ITGA4: variants seen among roughly 807,000 people sequenced by gnomAD.
ITGA4 encodes integrin subunit alpha 4, also known as integrin alpha-4.
Under a neutral mutation model 133.6 loss-of-function variants are expected in ITGA4, and 63 were observed. The observed-to-expected ratio is 0.47, with a 90% CI of 0.38 to 0.58. The LOEUF is 0.58. ITGA4 is among the 20% of genes least tolerant of loss of function. The pLI is 0.00. For missense variants in ITGA4, 1,076 were observed against 1,252.7 expected (o/e 0.86, Z 2.13); for synonymous variants, 483 against 438.0 (o/e 1.10, Z -1.28).
Position 181,523,911 on chromosome 2 carries a change from A to G in ITGA4, c.2170-260A>G, listed in dbSNP as rs1686780002. On this transcript the variant is annotated intron_variant, in intron 19 of 27. Coordinates refer to ENST00000397033, the MANE Select transcript of ITGA4 (RefSeq NM_000885.6). This position sits in a 1 kb window ranked among gnomAD's most constrained non-coding sequence, Gnocchi z 4.2. ...CCACTCAAGTTGTGAAAGCATTTCT[A>G]ATTTTGTCTAGACTTGCCTGCGTTC... is the stretch of plus-strand genomic sequence containing the variant. Among the ~76,000 whole-genome samples the G allele has an allele frequency of 6.6e-6, 1 of 152,060 alleles. No individual in the cohort carries two copies. Among genetic ancestry groups the G allele is most frequent in the African/African-American group, 2.4e-5 (1 of 41,402 alleles).
intron 15 of ITGA4, among the ~76,000 whole-genome samples, chr2:181,509,285 G>A (rs910587293): frequency 6.6e-6 from 1 of 151,638 alleles, no homozygotes; most frequent in South Asian, 2.1e-4. Context: ...AAAGTTAAAT[G>A]GGATAAAAAG....
intron 15 of ITGA4, among the ~76,000 whole-genome samples, chr2:181,506,017 G>C (rs1686385104): frequency 6.6e-6 from 1 of 152,014 alleles, no homozygotes; most frequent in African/African-American, 2.4e-5. Flanking sequence ...TACGGTCAAA[G>C]TTTCATGTTG....
At chr2:181,512,006 C>A (rs1686516159) in intron 17 of ITGA4, among the ~76,000 whole-genome samples, 1 of 152,016 alleles carries the variant, frequency 6.6e-6, no homozygotes, top group Non-Finnish European at 1.5e-5. Context: ...CTATCTTGCT[C>A]TTCTAAATTC....
Position 181,509,656 on chromosome 2 carries a change from A to C in ITGA4, c.1696-2A>C. 1 of 1,570,738 alleles carries C rather than the reference A, an allele frequency of 6.4e-7. No individual in the cohort carries two copies. The highest frequency in any genetic ancestry group is 8.6e-7 in the Non-Finnish European group (1 of 1,164,682). On this transcript the variant is annotated splice_acceptor_variant, in intron 15 of 27. Transcript: ENST00000397033. LOFTEE classifies it high-confidence loss of function. ...AATTCATATGGTGGTTATTTTCCTT[A>C]GAAAGATGTGCGGGACATCCTCACC...
At position 181,495,640 on chromosome 2, in the gene ITGA4, G is replaced by T. The variant is rs539904664; in HGVS notation, c.1386-143G>T. On this transcript the variant is annotated intron_variant, in intron 13 of 27. Transcript: ENST00000397033. This position sits in a 1 kb window ranked among gnomAD's most constrained non-coding sequence, Gnocchi z 4.3. ...TAAATAAAAAGTTATTTTGCCCTGT[G>T]CACAGAAATGTAATTAGTATGTACA... The T allele has an allele frequency of 1.2e-5, 9 of 731,958 alleles. No homozygotes were observed. The East Asian group carries it at 1.6e-4, about 13-fold the overall frequency. The allele number at this position is 731,958 out of a possible 1,614,324, so 45.3% of individuals were successfully genotyped here.
At position 181,482,386 on chromosome 2, in the gene ITGA4, A is replaced by C. The variant is rs747033412; in HGVS notation, c.867A>C (p.Lys289Asn). 6.2e-7 allele frequency: 1 copy of C among 1,612,584 alleles called. No homozygotes were observed. The highest frequency in any genetic ancestry group is 1.1e-5 in the South Asian group (1 of 90,884). The change falls in exon 8 of 28, where the codon AAA becomes AAC. Residue 289 changes from lysine (K) to asparagine (N), a missense_variant. Around this residue, in one of 4 missense-constraint regions of ITGA4, gnomAD observed 436 missense variants for 590.7 expected, o/e 0.74. Coordinates refer to ENST00000397033, the MANE Select transcript of ITGA4 (RefSeq NM_000885.6). Reference protein sequence around the residue: ...GKAYIFSIDEKELNILHEMKG... With the variant: ...GKAYIFSIDENELNILHEMKG... ...CATATATATTCAGCATTGATGAAAA[A>C]GAACTAAATATCTTACATGAAATGA...
At chr2:181,464,794 G>A (rs1167989304) in intron 2 of ITGA4, among the ~76,000 whole-genome samples, 1 of 152,038 alleles carries the variant, frequency 6.6e-6, no homozygotes, top group Non-Finnish European at 1.5e-5. Flanking sequence ...TCCTGAAATA[G>A]GGAGCTTGGA....
rs538208494 is a variant in ITGA4 at position 181,526,821 on chromosome 2, C to CTTTTTTTTTTTTTTTTTTTTTTTT, written c.2340-467_2340-444dup. Among the ~76,000 whole-genome samples, 7 of 41,006 alleles carry CTTTTTTTTTTTTTTTTTTTTTTTT rather than the reference C, an allele frequency of 1.7e-4. 1 individual carries two copies. The highest frequency in any genetic ancestry group is 1.9e-4 in the African/African-American group (3 of 16,146). 26.9% of individuals were successfully genotyped at this position (41,006 alleles called of 152,430 possible). On this transcript the variant is annotated intron_variant, in intron 21 of 27. Coordinates refer to ENST00000397033, the MANE Select transcript of ITGA4 (RefSeq NM_000885.6). The stretch of plus-strand genomic sequence containing the variant: ...TGTCACCCAGGTCAGAGCACATGGC[C>CTTTTTTTTTTTTTTTTTTTTTTTT]TTTTTTTTTTTTTTTTTTTTTTTTT...
In ITGA4 at chr2:181,478,834, C is replaced by A; in HGVS notation, c.624+10C>A. 7.4e-7 allele frequency: 1 copy of A among 1,351,178 alleles called. No individual in the cohort carries two copies. The highest frequency in any genetic ancestry group is 1.7e-5 in the South Asian group (1 of 59,830). 83.7% of individuals were successfully genotyped at this position (1,351,178 alleles called of 1,614,324 possible). ...CAGTTTTTACACAAAGGTAATTGTT[C>A]AAAAAATAGCTGCTATAAATGTTTA... On this transcript the variant is annotated intron_variant, in intron 5 of 27. Coordinates refer to ENST00000397033, the MANE Select transcript of ITGA4 (RefSeq NM_000885.6).
chr2:181,469,880 A>T (rs902577091), intron 2 of ITGA4, among the ~76,000 whole-genome samples: 13 of 151,652 alleles, frequency 8.6e-5, no homozygotes, highest in African/African-American at 3.1e-4. Flanking sequence ...ACACTTGGAC[A>T]CAGGAAGGGG....
rs755695719 is a variant in ITGA4, at chr2:181,511,685, C to T, written c.1846-14C>T. 12 of 1,452,550 alleles carry T rather than the reference C, an allele frequency of 8.3e-6. No individual in the cohort carries two copies. In the East Asian group the frequency reaches 2.7e-4, roughly 33 times the overall value. 90.0% of individuals were successfully genotyped at this position (1,452,550 alleles called of 1,614,324 possible). A position where few individuals can be genotyped will look rare whatever the true frequency, so the allele number is the denominator to read the frequency against. ...ATTAAATCAAAATAAAAAACGTTGTCTTTTTATTTCCAGATAAACTTTGCA... is the reference window on the plus strand; with the variant it reads ...ATTAAATCAAAATAAAAAACGTTGTTTTTTTATTTCCAGATAAACTTTGCA... On this transcript the variant is annotated splice_polypyrimidine_tract_variant and intron_variant, in intron 16 of 27. Transcript: ENST00000397033.
intron 10 of ITGA4, among the ~76,000 whole-genome samples, chr2:181,490,990 T>G (rs1432974883): frequency 6.6e-6 from 1 of 152,256 alleles, no homozygotes; most frequent in African/African-American, 2.4e-5. Context: ...AAACATTTAT[T>G]GTATATATTT....
At chr2:181,475,383 G>A in intron 4 of ITGA4, 95 bp downstream of exon 4, 1 of 959,216 alleles carries the variant, frequency 1.0e-6, no homozygotes, top group Non-Finnish European at 1.6e-6. Flanking sequence ...GTTCAGAGGA[G>A]AGGGAGATCT....
intron 4 of ITGA4, chr2:181,475,922 C>A: frequency 6.6e-7 from 1 of 1,515,824 alleles, no homozygotes; most frequent in East Asian, 2.4e-5. Context: ...AACTAAAATC[C>A]AACAATGCGT....
At chr2:181,502,107 G>A (rs1209200096) in intron 15 of ITGA4, among the ~76,000 whole-genome samples, 1 of 152,006 alleles carries the variant, frequency 6.6e-6, no homozygotes, top group Admixed American at 6.6e-5. Context: ...GAAAAAAGGG[G>A]AAAGCATGAT....
intron 21 of ITGA4, 91 bp downstream of exon 21, chr2:181,525,382 T>G: frequency 1.5e-6 from 1 of 650,748 alleles, no homozygotes. Context: ...ATTCTAGAAT[T>G]TTTTTAAAAT....
intron 2 of ITGA4, among the ~76,000 whole-genome samples, chr2:181,467,189 A>G (rs1685439949): frequency 6.6e-6 from 1 of 151,656 alleles, no homozygotes; most frequent in Non-Finnish European, 1.5e-5. Context: ...TTTGAAATGT[A>G]TGGGTTTTGT....
chr2:181,484,366 C>G (rs1685868386), intron 9 of ITGA4, among the ~76,000 whole-genome samples: 1 of 152,184 alleles, frequency 6.6e-6, no homozygotes, highest in Non-Finnish European at 1.5e-5. Flanking sequence ...CTAGGGAATA[C>G]TTGAAGAAGA....
chr2:181,493,275 C>T (rs775754364), intron 10 of ITGA4, 50 bp from the exon 11 acceptor site: 2 of 1,259,550 alleles, frequency 1.6e-6, no homozygotes, highest in Non-Finnish European at 2.3e-6. Context: ...TTCGAAGTTG[C>T]ATTCTTTGTA....
Sources: gnomAD v4.1 joint callset for allele counts (sites outside exome capture counted in the v4.1 genomes callset) on GRCh38, gnomAD v4.1.1 for gene constraint, gnomAD v4.1.1 regional missense constraint, Gnocchi (gnomAD v3.1) non-coding constraint, MANE v1.5 for transcripts, NCBI Gene and HGNC (gene_info 2026-07-23, HGNC 2026-07-21) for gene names.